Variants in PACSIN1 observed in about 807,000 individuals in gnomAD.
The protein encoded by PACSIN1 is protein kinase C and casein kinase substrate in neurons protein 1.
A neutral mutation model predicts 59.5 loss-of-function variants in PACSIN1; 15 were observed. The ratio of observed to expected loss-of-function variants is 0.25; its 90% CI spans 0.17 to 0.39. The LOEUF (loss-of-function observed/expected upper bound fraction) is 0.39. PACSIN1 is among the 10% of genes least tolerant of loss of function. The probability of loss-of-function intolerance (pLI) is 1.00; values close to 1 mark genes in which losing one functional copy is unlikely to be tolerated. For missense variants in PACSIN1, 420 were observed against 580.2 expected (o/e 0.72, Z 2.84); for synonymous variants, 210 against 220.6 (o/e 0.95, Z 0.42).
At chr6:34,476,831 CAG>C (rs997106484) in intron 1 of PACSIN1, among the ~76,000 whole-genome samples, 3 of 152,192 alleles carry the variant, frequency 2.0e-5, no homozygotes, top group Non-Finnish European at 2.9e-5. Flanking sequence ...TCCTGCCAAA[CAG>C]GGCCAAGACA....
chr6:34,489,444 C>T (rs1003269834), intron 1 of PACSIN1, among the ~76,000 whole-genome samples: 9 of 152,210 alleles, frequency 5.9e-5, no homozygotes, highest in Admixed American at 3.3e-4. Context: ...CTGGGTGGTG[C>T]GGTGTATGGT....
chr6:34,496,768 G>T (rs1392706001), intron 1 of PACSIN1, among the ~76,000 whole-genome samples: 1 of 152,060 alleles, frequency 6.6e-6, no homozygotes, highest in African/African-American at 2.4e-5. Context: ...CCAGCCTGTG[G>T]TCCCCAAGTT....
At chr6:34,475,694 G>C (rs1766629741) in intron 1 of PACSIN1, among the ~76,000 whole-genome samples, 1 of 152,218 alleles carries the variant, frequency 6.6e-6, no homozygotes, top group East Asian at 1.9e-4. Flanking sequence ...GCTGCTAGCA[G>C]CCAGCACCCA....
chr6:34,474,790 G>GGAA (rs763870412), intron 1 of PACSIN1, among the ~76,000 whole-genome samples: 1 of 78,328 alleles, frequency 1.3e-5, no homozygotes, highest in Non-Finnish European at 2.2e-5. Context: ...CTCTGTCTCA[G>GGAA]AAAAAAAAAA....
At chr6:34,472,836 G>A (rs954957827) in intron 1 of PACSIN1, among the ~76,000 whole-genome samples, 5 of 152,170 alleles carry the variant, frequency 3.3e-5, no homozygotes, top group Admixed American at 2.6e-4. Flanking sequence ...TGGTGGTTGT[G>A]TAGCACTGGG....
In PACSIN1 at chr6:34,519,909, C is replaced by A. The variant is rs1429749824; in HGVS notation, c.-63-6334C>A. ...ATCAGCTTTTTGGGACAGCAGGTTG[C>A]CACTCCTGAACCAGCAAGACTGTTT... is the stretch of plus-strand genomic sequence containing the variant. On this transcript the variant is annotated intron_variant, in intron 1 of 9. Coordinates refer to ENST00000244458, the MANE Select transcript of PACSIN1 (RefSeq NM_020804.5). Among the ~76,000 whole-genome samples the A allele has an allele frequency of 2.6e-5, 4 of 152,250 alleles. No homozygotes were observed. The East Asian group carries it at 5.8e-4, about 22-fold the overall frequency.
rs1006763020 is a variant in PACSIN1 at position 34,515,579 on chromosome 6, C to T, written c.-63-10664C>T. Among the ~76,000 whole-genome samples, 1 of 152,182 alleles carries T rather than the reference C, an allele frequency of 6.6e-6. No homozygotes were observed. Among genetic ancestry groups the T allele is most frequent in the Non-Finnish European group, 1.5e-5 (1 of 68,022 alleles). On this transcript the variant is annotated intron_variant, in intron 1 of 9. Coordinates refer to ENST00000244458, the MANE Select transcript of PACSIN1 (RefSeq NM_020804.5). This position sits in a 1 kb window ranked among gnomAD's most constrained non-coding sequence, Gnocchi z 4.4. ...ATGGTCTCAGGCACTGGGCTTAGAGCCCCCTGGTCAGGTCAGAGGCATCTA... is the reference window on the plus strand; with the variant it reads ...ATGGTCTCAGGCACTGGGCTTAGAGTCCCCTGGTCAGGTCAGAGGCATCTA...
intron 1 of PACSIN1, among the ~76,000 whole-genome samples, chr6:34,510,481 G>A (rs969415293): frequency 1.3e-5 from 2 of 152,066 alleles, no homozygotes; most frequent in Admixed American, 6.5e-5. Flanking sequence ...CCATTCATCC[G>A]CCCTCCCATC....
At chr6:34,509,386 CTTTA>C (rs778377062) in intron 1 of PACSIN1, among the ~76,000 whole-genome samples, 4 of 152,054 alleles carry the variant, frequency 2.6e-5, no homozygotes, top group Admixed American at 2.0e-4. Context: ...GTCTGTATGT[CTTTA>C]TTTATTTATG....
In PACSIN1 at chr6:34,521,561, T is replaced by C. The variant is rs1469155562; in HGVS notation, c.-63-4682T>C. Among the ~76,000 whole-genome samples the C allele has an allele frequency of 6.6e-6, 1 of 151,974 alleles. No individual in the cohort carries two copies. Among genetic ancestry groups the C allele is most frequent in the Non-Finnish European group, 1.5e-5 (1 of 67,984 alleles). On this transcript the variant is annotated intron_variant, in intron 1 of 9. Transcript: ENST00000244458. The surrounding 1 kb of genome is among the most constrained non-coding windows in gnomAD (Gnocchi z 4.3). ...ACAGACTTGGCCCACATCTCACTGG[T>C]AGTAGTTGGGTGAGCTGGCTCCAGA... is the stretch of plus-strand genomic sequence containing the variant.
At chr6:34,467,585 T>G (rs1766514919) in intron 1 of PACSIN1, among the ~76,000 whole-genome samples, 1 of 124,062 alleles carries the variant, frequency 8.1e-6, no homozygotes, top group Non-Finnish European at 1.6e-5. Context: ...TGAGAGAGAG[T>G]TTCGCTCTTG....
chr6:34,498,757 A>G (rs1295491131), intron 1 of PACSIN1, among the ~76,000 whole-genome samples: 1 of 147,066 alleles, frequency 6.8e-6, no homozygotes, highest in East Asian at 2.0e-4. Context: ...TGATTGCACC[A>G]CTGCACCCCA....
chr6:34,522,121 C>G (rs1767403938), intron 1 of PACSIN1, among the ~76,000 whole-genome samples: 1 of 152,150 alleles, frequency 6.6e-6, no homozygotes, highest in African/African-American at 2.4e-5. Context: ...GAGGGCCTGT[C>G]CTGAGGAAGT....
chr6:34,473,589 G>A (rs554228048), intron 1 of PACSIN1, among the ~76,000 whole-genome samples: 3 of 152,152 alleles, frequency 2.0e-5, no homozygotes, highest in Non-Finnish European at 4.4e-5. Context: ...AGGGGCAGCC[G>A]AGGCAGGGCT....
chr6:34,527,660 A>G (rs140022027), intron 3 of PACSIN1, 172 bp downstream of exon 3: 91 of 425,724 alleles, frequency 2.1e-4, no homozygotes, highest in African/African-American at 1.8e-3. Flanking sequence ...GTTCATCTCT[A>G]TTTTGTACAA....
At chr6:34,498,513 C>T (rs1766979328) in intron 1 of PACSIN1, among the ~76,000 whole-genome samples, 1 of 151,912 alleles carries the variant, frequency 6.6e-6, no homozygotes, top group South Asian at 2.1e-4. Context: ...TTAAAAGTGT[C>T]CCGGCTGGGC....
chr6:34,512,102 G>A (rs1767212172), intron 1 of PACSIN1, among the ~76,000 whole-genome samples: 1 of 152,008 alleles, frequency 6.6e-6, no homozygotes, highest in African/African-American at 2.4e-5. Flanking sequence ...TGTACATGAT[G>A]TAGGGGGTGT....
chr6:34,522,292 T>C (rs1253598621), intron 1 of PACSIN1, among the ~76,000 whole-genome samples: 1 of 152,228 alleles, frequency 6.6e-6, no homozygotes, highest in Non-Finnish European at 1.5e-5. Flanking sequence ...ACTCCGTGCC[T>C]CAGTTTCCCC....
chr6:34,471,309 G>A (rs569562120), intron 1 of PACSIN1, among the ~76,000 whole-genome samples: 1 of 152,298 alleles, frequency 6.6e-6, no homozygotes, highest in South Asian at 2.1e-4. Context: ...TGGAGAGAGA[G>A]GGTGAGAATT....
Sources: allele counts gnomAD v4.1 joint callset (sites outside exome capture counted in the v4.1 genomes callset), GRCh38; gene constraint gnomAD v4.1.1; non-coding constraint Gnocchi (gnomAD v3.1); transcripts MANE v1.5; gene names NCBI Gene and HGNC (gene_info 2026-07-23, HGNC 2026-07-21).